Variants in SGCD observed in about 807,000 individuals in gnomAD.
The protein encoded by SGCD is delta-sarcoglycan.
A neutral mutation model predicts 36.6 loss-of-function variants in SGCD; 18 were observed. The ratio of observed to expected loss-of-function variants is 0.49; its 90% confidence interval spans 0.34 to 0.73. The LOEUF (loss-of-function observed/expected upper bound fraction) is 0.73. Ranked by LOEUF, SGCD falls within the 30% of genes least tolerant of loss-of-function variation. SGCD has a pLI of 0.01. For missense variants in SGCD, 387 were observed against 346.7 expected, an observed-to-expected ratio of 1.12 and a Z score of -0.92; for synonymous variants, 133 against 130.6, an observed-to-expected ratio of 1.02 and a Z score of -0.12.
At chr5:156,097,357 C>T (rs1452626301) in intron 1 of SGCD, among the ~76,000 whole-genome samples, 9 of 151,960 alleles carry the variant, frequency 5.9e-5, no homozygotes, top group Admixed American at 3.9e-4. Flanking sequence ...TTTATTAGCA[C>T]CCTTTTGTTA....
chr5:156,361,400 A>G (rs1251796938), intron 3 of SGCD, among the ~76,000 whole-genome samples: 1 of 152,234 alleles, frequency 6.6e-6, no homozygotes. Flanking sequence ...CTAGACAATT[A>G]TTGGCAAAGT....
intron 3 of SGCD, among the ~76,000 whole-genome samples, chr5:156,240,841 C>G (rs530342592): frequency 6.6e-6 from 1 of 151,974 alleles, no homozygotes; most frequent in African/African-American, 2.4e-5. Flanking sequence ...AACCAAAAGC[C>G]GACAGATAAG....
At chr5:156,089,440 T>C (rs1421864381) in intron 1 of SGCD, among the ~76,000 whole-genome samples, 1 of 152,204 alleles carries the variant, frequency 6.6e-6, no homozygotes, top group African/African-American at 2.4e-5. Context: ...ACTTCTGAAA[T>C]AAAGGAAGAG....
chr5:155,847,740 C>G, the SGCD span, among the ~76,000 whole-genome samples: 4 of 152,294 alleles, frequency 2.6e-5, no homozygotes, highest in African/African-American at 9.6e-5. Flanking sequence ...CAGCCAGTCC[C>G]ACCTGTTCCA....
chr5:156,501,045 C>G (rs1475887642), intron 3 of SGCD, among the ~76,000 whole-genome samples: 2 of 152,162 alleles, frequency 1.3e-5, no homozygotes, highest in Non-Finnish European at 2.9e-5. Context: ...TTCTGCCTCT[C>G]CTGGAGAAGG....
chr5:155,874,798 T>A (rs765440044), intron 1 of SGCD, among the ~76,000 whole-genome samples: 55 of 152,120 alleles, frequency 3.6e-4, no homozygotes, highest in Non-Finnish European at 6.9e-4. Context: ...AATGGAAGTC[T>A]CACTCACTAC....
At chr5:156,379,665 G>A (rs1272387160) in intron 3 of SGCD, among the ~76,000 whole-genome samples, 4 of 152,112 alleles carry the variant, frequency 2.6e-5, no homozygotes, top group Non-Finnish European at 5.9e-5. Context: ...AGCAGAAGGG[G>A]AGAGGGGAGA....
intron 1 of SGCD, among the ~76,000 whole-genome samples, chr5:155,992,256 G>A (rs1482493150): frequency 2.0e-4 from 30 of 152,070 alleles, no homozygotes; most frequent in Admixed American, 1.9e-3. Context: ...GCACACTCTA[G>A]AGAATTTATC....
chr5:155,959,547 G>A (rs2113446737), intron 1 of SGCD, among the ~76,000 whole-genome samples: 1 of 152,188 alleles, frequency 6.6e-6, no homozygotes, highest in Non-Finnish European at 1.5e-5. Flanking sequence ...AAAGCCTTAT[G>A]TTATGTTTCC....
At chr5:156,356,987 T>C (rs1207339009) in intron 3 of SGCD, among the ~76,000 whole-genome samples, 1 of 152,226 alleles carries the variant, frequency 6.6e-6, no homozygotes, top group Non-Finnish European at 1.5e-5. Context: ...GGGCTTGGAA[T>C]TCTGGCTTCT....
intron 3 of SGCD, among the ~76,000 whole-genome samples, chr5:156,185,850 T>TAG (rs201378824): frequency 3.3e-3 from 161 of 48,268 alleles, no homozygotes; most frequent in Non-Finnish European, 4.7e-3. Flanking sequence ...TATATATATA[T>TAG]AGAGAGAGAG....
intron 1 of SGCD, among the ~76,000 whole-genome samples, chr5:155,870,758 T>C (rs1372572122): frequency 1.3e-5 from 2 of 152,176 alleles, no homozygotes; most frequent in Non-Finnish European, 2.9e-5. Context: ...CCAAAAGTGA[T>C]TTCTGTGTAG....
intron 3 of SGCD, among the ~76,000 whole-genome samples, chr5:156,194,123 C>G (rs987480926): frequency 1.3e-5 from 2 of 152,132 alleles, no homozygotes; most frequent in African/African-American, 4.8e-5. Context: ...TGCCTGTAAT[C>G]CCAGCACTTT....
At position 156,312,381 on chromosome 5, in the gene SGCD, A is replaced by G. The variant is rs543303754; in HGVS notation, c.-43-17153A>G. The stretch of plus-strand genomic sequence containing the variant: ...TAAATTTCTTTACTGATATACTTAG[A>G]AAAAGGTAATCCTTAGCTACCACAT... On this transcript the variant is annotated intron_variant, in intron 3 of 9. Transcript: ENST00000517913. Among the ~76,000 whole-genome samples the G allele has an allele frequency of 3.9e-5, 6 of 152,334 alleles. No individual in the cohort carries two copies. The East Asian group carries it at 9.6e-4, about 24-fold the overall frequency.
intron 1 of SGCD, among the ~76,000 whole-genome samples, chr5:156,103,477 T>A (rs1356346339): frequency 6.6e-6 from 1 of 152,152 alleles, no homozygotes; most frequent in Non-Finnish European, 1.5e-5. Flanking sequence ...TAATAAAAAA[T>A]TAAATGTTTC....
At chr5:155,935,114 T>G (rs1463470952) in intron 1 of SGCD, among the ~76,000 whole-genome samples, 2 of 152,200 alleles carry the variant, frequency 1.3e-5, no homozygotes, top group Non-Finnish European at 2.9e-5. Flanking sequence ...ATCCTCCTGG[T>G]TCCTTTGTGA....
At chr5:156,387,115 C>T (rs1053967649) in intron 3 of SGCD, among the ~76,000 whole-genome samples, 65 of 152,260 alleles carry the variant, frequency 4.3e-4, no homozygotes, top group African/African-American at 1.5e-3. Flanking sequence ...CTCCCATTTC[C>T]CTCTCATTCA....
At chr5:156,128,011 A>G (rs1762222666) in intron 3 of SGCD, among the ~76,000 whole-genome samples, 1 of 152,138 alleles carries the variant, frequency 6.6e-6, no homozygotes, top group Non-Finnish European at 1.5e-5. Flanking sequence ...GAAAATTAAA[A>G]GCATCTACTC....
chr5:155,742,234 G>C, the SGCD span, among the ~76,000 whole-genome samples: 2 of 152,174 alleles, frequency 1.3e-5, no homozygotes, highest in African/African-American at 2.4e-5. Flanking sequence ...TTTGGAAAAA[G>C]AGAAGGTCTA....
Sources: allele counts gnomAD v4.1 joint callset (sites outside exome capture counted in the v4.1 genomes callset), GRCh38; gene constraint gnomAD v4.1.1; transcripts MANE v1.5; gene names NCBI Gene and HGNC (gene_info 2026-07-23, HGNC 2026-07-21).